THRAP3: variants seen among roughly 807,000 people sequenced by gnomAD.
THRAP3 encodes the protein thyroid hormone receptor associated protein 3, also known as thyroid hormone receptor-associated protein 3.
A neutral mutation model predicts 101.0 loss-of-function variants in THRAP3; 16 were observed. The ratio of observed to expected loss-of-function variants is 0.16; its 90% CI spans 0.11 to 0.24. The LOEUF is 0.24. Among genes scored for constraint, THRAP3 ranks in the 10% least tolerant of loss-of-function variants. THRAP3 has a pLI of 1.00. For synonymous variants in THRAP3, 407 were observed against 422.6 expected, an observed-to-expected ratio of 0.96 and a Z score of 0.45; for missense variants, 989 against 1,202.7, an observed-to-expected ratio of 0.82 and a Z score of 2.63.
chr1:36,239,376 C>T (rs1003425835), intron 1 of THRAP3, among the ~76,000 whole-genome samples: 7 of 151,830 alleles, frequency 4.6e-5, no homozygotes, highest in Admixed American at 1.3e-4. Flanking sequence ...CAGCGATTCT[C>T]CTGCCTCAGC....
rs189907162 is a variant in THRAP3 at position 36,248,801 on chromosome 1, T to C, written c.-134-10581T>C. Among the ~76,000 whole-genome samples, 745 of 152,296 alleles carry C rather than the reference T, an allele frequency of 4.9e-3. 5 individuals are homozygous for C. The highest frequency in any genetic ancestry group is 0.017 in the African/African-American group (698 of 41,562). ...TATCTTGGGGCTCAAACTTACCTAT[T>C]GAGCAAACATGATGAAATCTACCAT... is the stretch of plus-strand genomic sequence containing the variant. On this transcript the variant is annotated intron_variant, in intron 1 of 11. Transcript: ENST00000354618.
chr1:36,263,755 C>G (rs186460685), intron 2 of THRAP3, among the ~76,000 whole-genome samples: 1 of 152,126 alleles, frequency 6.6e-6, no homozygotes, highest in Non-Finnish European at 1.5e-5. Context: ...TTAATAGACA[C>G]GCATTGACTG....
the THRAP3 span, among the ~76,000 whole-genome samples, chr1:36,214,543 T>C: frequency 3.4e-3 from 520 of 152,276 alleles, 1 homozygote; most frequent in Non-Finnish European, 6.3e-3. Context: ...GTTCTCACAC[T>C]GTACCATAGT....
At chr1:36,223,346 C>A (rs146219586), upstream of THRAP3, among the ~76,000 whole-genome samples, 16 of 152,080 alleles carry the variant, frequency 1.1e-4, no homozygotes, top group African/African-American at 3.6e-4. Flanking sequence ...CATTAGATTT[C>A]TTTATTAATT....
chr1:36,266,850 ATATTTATTTATTTATTTATT>A (rs71796650), intron 2 of THRAP3, among the ~76,000 whole-genome samples: 5,477 of 144,290 alleles, frequency 0.038, 282 homozygotes, highest in African/African-American at 0.11. Flanking sequence ...TATAATACGA[ATATTTATTTATTTATTTATT>A]TATTTATTTA....
At chr1:36,265,673 T>A (rs928817861) in intron 2 of THRAP3, among the ~76,000 whole-genome samples, 1 of 152,126 alleles carries the variant, frequency 6.6e-6, no homozygotes, top group African/African-American at 2.4e-5. Flanking sequence ...ATTTATTTTT[T>A]AAATTTTAAG....
At chr1:36,229,839 T>A (rs7417092) in intron 1 of THRAP3, among the ~76,000 whole-genome samples, 146,823 of 151,946 alleles carry the variant, frequency 0.97, 71,170 homozygotes, top group Middle Eastern at 1. Flanking sequence ...TTTAGTAGAG[T>A]TGAGGTTTCT....
Position 36,293,807 on chromosome 1 carries a change from T to C in THRAP3, c.2031-44T>C, listed in dbSNP as rs748964938. Reference sequence around the variant, plus strand: ...GAGCTAGAATATTACCAGTATCATATTCACACAATGGAATACTATATCGTT... The same window carrying C: ...GAGCTAGAATATTACCAGTATCATACTCACACAATGGAATACTATATCGTT... On this transcript the variant is annotated intron_variant, in intron 7 of 11. Coordinates refer to ENST00000354618, the MANE Select transcript of THRAP3 (RefSeq NM_005119.4). The C allele has an allele frequency of 4.6e-6, 7 of 1,522,580 alleles. No individual in the cohort carries two copies. In the East Asian group the frequency reaches 1.6e-4, roughly 34 times the overall value. 94.3% of individuals were successfully genotyped at this position (1,522,580 alleles called of 1,614,324 possible). A position where few individuals can be genotyped will look rare whatever the true frequency, so the allele number is the denominator to read the frequency against.
chr1:36,235,229 A>G (rs1471057446), intron 1 of THRAP3, among the ~76,000 whole-genome samples: 2 of 152,210 alleles, frequency 1.3e-5, no homozygotes, highest in Admixed American at 6.6e-5. Context: ...CATGAATATC[A>G]TTATAATTTT....
chr1:36,250,288 A>T (rs974388574), intron 1 of THRAP3, among the ~76,000 whole-genome samples: 1 of 148,648 alleles, frequency 6.7e-6, no homozygotes, highest in Non-Finnish European at 1.5e-5. Flanking sequence ...ATCTCAGCTC[A>T]CTGCAACCTC....
chr1:36,236,611 C>A (rs1429509772), intron 1 of THRAP3, among the ~76,000 whole-genome samples: 1 of 152,140 alleles, frequency 6.6e-6, no homozygotes, highest in Non-Finnish European at 1.5e-5. Flanking sequence ...CTTGCCTCTT[C>A]ATATCTTTGT....
Position 36,259,430 on chromosome 1 carries a change from T to G in THRAP3, c.-86T>G. On this transcript the variant is annotated 5_prime_UTR_variant, in exon 2 of 12. Coordinates refer to ENST00000354618, the MANE Select transcript of THRAP3 (RefSeq NM_005119.4). ...GAAGAAGCCAGTGGTGCTGCGGGTG[T>G]TCTTTTGGGGTAGTGTCTGGGATCC... 2.5e-6 allele frequency: 1 copy of G among 398,664 alleles called. No homozygotes were observed. Among genetic ancestry groups the G allele is most frequent in the Non-Finnish European group, 4.4e-6 (1 of 226,066 alleles). The allele number at this position is 398,664 out of a possible 1,614,324, so 24.7% of individuals were successfully genotyped here.
intron 1 of THRAP3, among the ~76,000 whole-genome samples, chr1:36,231,770 A>G (rs1175807886): frequency 1.3e-5 from 2 of 152,206 alleles, no homozygotes; most frequent in Non-Finnish European, 2.9e-5. Flanking sequence ...AGGGCTTCAC[A>G]GAAGATGGTC....
chr1:36,242,909 GTTTT>G (rs995130636), intron 1 of THRAP3, among the ~76,000 whole-genome samples: 1 of 150,660 alleles, frequency 6.6e-6, no homozygotes, highest in Non-Finnish European at 1.5e-5. Context: ...CACAGTTAGT[GTTTT>G]TTTTTAATTG....
chr1:36,274,105 C>G (rs1045283886), intron 2 of THRAP3, among the ~76,000 whole-genome samples: 1 of 136,586 alleles, frequency 7.3e-6, no homozygotes, highest in African/African-American at 2.7e-5. Context: ...CACACACACA[C>G]ACAGACAAAA....
chr1:36,268,238 G>T (rs1645538277), intron 2 of THRAP3, among the ~76,000 whole-genome samples: 2 of 151,996 alleles, frequency 1.3e-5, no homozygotes, highest in Non-Finnish European at 2.9e-5. Flanking sequence ...CAGAAAAAAG[G>T]TCAGCATCAT....
At chr1:36,217,183 C>T in the THRAP3 span, among the ~76,000 whole-genome samples, 313 of 152,274 alleles carry the variant, frequency 2.1e-3, no homozygotes, top group Non-Finnish European at 3.4e-3. Context: ...ACACACTTAA[C>T]TAGGTAATGC....
the THRAP3 span, among the ~76,000 whole-genome samples, chr1:36,218,793 G>A: frequency 2.0e-5 from 3 of 151,620 alleles, no homozygotes; most frequent in East Asian, 1.9e-4. Flanking sequence ...CCAGCATTTC[G>A]GGAGGCAGGG....
intron 2 of THRAP3, among the ~76,000 whole-genome samples, chr1:36,279,170 T>A (rs1049053970): frequency 6.6e-6 from 1 of 152,186 alleles, no homozygotes; most frequent in Non-Finnish European, 1.5e-5. Flanking sequence ...TTTTCTAGTT[T>A]CTGAGTGTTG....
Sources: allele counts gnomAD v4.1 joint callset (sites outside exome capture counted in the v4.1 genomes callset), GRCh38; gene constraint gnomAD v4.1.1; transcripts MANE v1.5; gene names NCBI Gene and HGNC (gene_info 2026-07-23, HGNC 2026-07-21).